Variants in LARGE1 observed in about 807,000 individuals in gnomAD.
LARGE1 encodes LARGE xylosyl- and glucuronyltransferase 1, also known as xylosyl- and glucuronyltransferase LARGE1.
LARGE1 carries 43 observed loss-of-function variants against 87.6 expected under a neutral mutation model. The ratio of observed to expected loss-of-function variants is 0.49; its 90% confidence interval spans 0.38 to 0.63. The LOEUF is 0.63. LARGE1 is among the 30% of genes least tolerant of loss of function. The probability of loss-of-function intolerance (pLI) is 0.00; values close to 1 mark genes in which losing one functional copy is unlikely to be tolerated. For synonymous variants in LARGE1, 434 were observed against 394.6 expected, an observed-to-expected ratio of 1.10 and a Z score of -1.18; for missense variants, 802 against 1,000.2, an observed-to-expected ratio of 0.80 and a Z score of 2.67.
intron 1 of LARGE1, among the ~76,000 whole-genome samples, chr22:33,843,015 T>G (rs1419628302): frequency 6.6e-6 from 1 of 151,792 alleles, no homozygotes; most frequent in East Asian, 1.9e-4. Context: ...TCTGGGGGGG[T>G]CCTGTCTATG....
At chr22:33,081,856 T>C in the LARGE1 span, among the ~76,000 whole-genome samples, 2 of 152,208 alleles carry the variant, frequency 1.3e-5, no homozygotes, top group Non-Finnish European at 2.9e-5. Context: ...CCAGTTATGA[T>C]AGATTAATTA....
In LARGE1 at chr22:33,305,828, ATTTCTT is replaced by A. The variant is rs1400404474; in HGVS notation, c.1452-1327_1452-1322del. Among the ~76,000 whole-genome samples the A allele has an allele frequency of 9.9e-4, 139 of 139,724 alleles. 2 individuals are homozygous for A. The highest frequency in any genetic ancestry group is 9.6e-3 in the Admixed American group (135 of 14,082). The allele number at this position is 139,724 out of a possible 152,430, so 91.7% of individuals were successfully genotyped here. A position where few individuals can be genotyped will look rare whatever the true frequency, so the allele number is the denominator to read the frequency against. ...CTTGCTAACCAAATTGACCAGAAAC[ATTTCTT>A]TTTCTTTTTCTTTTTTTTTTTTTTG... On this transcript the variant is annotated intron_variant, in intron 11 of 14. Coordinates refer to ENST00000397394, the MANE Select transcript of LARGE1 (RefSeq NM_133642.5).
chr22:33,284,634 G>C (rs1423940978), intron 12 of LARGE1, among the ~76,000 whole-genome samples: 1 of 151,914 alleles, frequency 6.6e-6, no homozygotes, highest in Non-Finnish European at 1.5e-5. Context: ...CTGGAGTGCA[G>C]TGGTGCAATC....
intron 6 of LARGE1, among the ~76,000 whole-genome samples, chr22:33,488,589 G>T (rs576173652): frequency 5.5e-4 from 83 of 152,248 alleles, no homozygotes; most frequent in African/African-American, 1.8e-3. Flanking sequence ...GCACCATTCA[G>T]AAGTATTATA....
At chr22:33,433,506 G>A (rs1569159181) in intron 6 of LARGE1, among the ~76,000 whole-genome samples, 1 of 147,848 alleles carries the variant, frequency 6.8e-6, no homozygotes, top group Non-Finnish European at 1.5e-5. Flanking sequence ...TGAGGCAGGA[G>A]AATGGCATGA....
chr22:33,160,576 C>A (rs1921990344), downstream of LARGE1, among the ~76,000 whole-genome samples: 1 of 152,200 alleles, frequency 6.6e-6, no homozygotes, highest in Non-Finnish European at 1.5e-5. Context: ...ATTTTTATAT[C>A]CACCTTAAAA....
At chr22:33,425,368 G>T (rs957569449) in intron 7 of LARGE1, among the ~76,000 whole-genome samples, 2 of 152,206 alleles carry the variant, frequency 1.3e-5, no homozygotes, top group Non-Finnish European at 2.9e-5. Context: ...AAACAAGAAA[G>T]TAAGTCCTCA....
intron 2 of LARGE1, among the ~76,000 whole-genome samples, chr22:33,667,358 G>T (rs546834751): frequency 2.4e-4 from 36 of 152,300 alleles, no homozygotes; most frequent in African/African-American, 8.2e-4. Context: ...CTATCATGAC[G>T]TTTATCTCAG....
At chr22:33,638,729 T>C (rs1316594129) in intron 3 of LARGE1, among the ~76,000 whole-genome samples, 1 of 152,214 alleles carries the variant, frequency 6.6e-6, no homozygotes, top group East Asian at 1.9e-4. Context: ...AAGGTAAATA[T>C]GTTGTGTGAA....
intron 9 of LARGE1, among the ~76,000 whole-genome samples, chr22:33,374,228 C>T (rs2064921026): frequency 6.6e-6 from 1 of 152,148 alleles, no homozygotes; most frequent in South Asian, 2.1e-4. Context: ...AGATTAAATT[C>T]AAGTACCCTT....
intron 2 of LARGE1, among the ~76,000 whole-genome samples, chr22:33,658,957 T>C (rs912258274): frequency 6.6e-6 from 1 of 152,202 alleles, no homozygotes; most frequent in African/African-American, 2.4e-5. Context: ...TCCATTTCCC[T>C]TACACAAGCC....
intron 1 of LARGE1, among the ~76,000 whole-genome samples, chr22:33,897,539 G>A (rs529028216): frequency 3.1e-4 from 47 of 152,284 alleles, no homozygotes; most frequent in African/African-American, 1.1e-3. Context: ...ACGCAAGGGA[G>A]GCAGCCCTTA....
chr22:33,069,004 G>A, the LARGE1 span, among the ~76,000 whole-genome samples: 1 of 152,294 alleles, frequency 6.6e-6, no homozygotes, highest in South Asian at 2.1e-4. Context: ...GTTTGACTGT[G>A]AAGTCCACAA....
Position 33,322,445 on chromosome 22 carries a change from G to T in LARGE1, c.1288-6197C>A, listed in dbSNP as rs150906307. 7.9e-5 allele frequency: 12 copies of T among 152,196 alleles called. 1 individual carries two copies. In the East Asian group the frequency reaches 2.3e-3, roughly 29 times the overall value. The allele number at this position is 152,196 out of a possible 1,614,324, so 9.4% of individuals were successfully genotyped here. A position where few individuals can be genotyped will look rare whatever the true frequency, so the allele number is the denominator to read the frequency against. ...AGTGTTTTGTAAACTCTAAAGTGCT[G>T]CAGAAACTTAAGCAATGTGGTTATG... is the stretch of plus-strand genomic sequence containing the variant. On this transcript the variant is annotated intron_variant, in intron 10 of 14. Transcript: ENST00000397394.
At chr22:33,185,028 A>G (rs1165001651) in intron 11 of LARGE1, among the ~76,000 whole-genome samples, 2 of 152,218 alleles carry the variant, frequency 1.3e-5, no homozygotes, top group Non-Finnish European at 2.9e-5. Context: ...AATTTAGTGT[A>G]TGATCCAGCA....
intron 1 of LARGE1, among the ~76,000 whole-genome samples, chr22:33,873,878 C>A (rs1032556246): frequency 6.6e-6 from 1 of 151,866 alleles, no homozygotes; most frequent in Non-Finnish European, 1.5e-5. Flanking sequence ...CCTTCCTCCA[C>A]CTCTTCTTCC....
At chr22:33,553,881 C>T (rs2077600523) in intron 6 of LARGE1, among the ~76,000 whole-genome samples, 1 of 152,128 alleles carries the variant, frequency 6.6e-6, no homozygotes, top group African/African-American at 2.4e-5. Flanking sequence ...GGTCCTCCAG[C>T]TCACCTCCGT....
At chr22:33,185,914 A>G (rs1923449613) in intron 11 of LARGE1, among the ~76,000 whole-genome samples, 1 of 152,180 alleles carries the variant, frequency 6.6e-6, no homozygotes, top group Non-Finnish European at 1.5e-5. Context: ...TAAAGAATTT[A>G]TAAGTTTGAC....
chr22:33,132,292 TC>T, the LARGE1 span, among the ~76,000 whole-genome samples: 1 of 151,798 alleles, frequency 6.6e-6, no homozygotes, highest in East Asian at 2.0e-4. Context: ...CAAGGGATCC[TC>T]CCCCCTCAGC....
Sources: gnomAD v4.1 joint callset for allele counts (sites outside exome capture counted in the v4.1 genomes callset) on GRCh38, gnomAD v4.1.1 for gene constraint, MANE v1.5 for transcripts, NCBI Gene and HGNC (gene_info 2026-07-23, HGNC 2026-07-21) for gene names.